SUSD1: variants seen among roughly 807,000 people sequenced by gnomAD.
SUSD1 encodes sushi domain-containing protein 1.
SUSD1 carries 65 observed loss-of-function variants against 86.9 expected under a neutral mutation model. That is an observed-to-expected ratio of 0.75 (90% confidence interval 0.61 to 0.92). The LOEUF is 0.92. SUSD1 is among the 40% of genes least tolerant of loss of function. SUSD1 has a pLI of 0.00. For missense variants in SUSD1, 850 were observed against 929.7 expected, an observed-to-expected ratio of 0.91 and a Z score of 1.11; for synonymous variants, 346 against 350.0, an observed-to-expected ratio of 0.99 and a Z score of 0.13.
intron 12 of SUSD1, among the ~76,000 whole-genome samples, chr9:112,066,736 A>G (rs915637125): frequency 2.6e-5 from 4 of 151,960 alleles, no homozygotes; most frequent in African/African-American, 9.7e-5. Context: ...TCCTTCCCAT[A>G]TGGTTCTTAT....
At chr9:112,171,610 C>T (rs947930759) in intron 1 of SUSD1, among the ~76,000 whole-genome samples, 1 of 152,148 alleles carries the variant, frequency 6.6e-6, no homozygotes, top group Non-Finnish European at 1.5e-5. Flanking sequence ...GAATAGCACT[C>T]ATTAAGTAGC....
At chr9:112,074,845 T>C (rs564276653) in intron 12 of SUSD1, among the ~76,000 whole-genome samples, 3 of 152,064 alleles carry the variant, frequency 2.0e-5, no homozygotes, top group African/African-American at 7.2e-5. Context: ...TTGATTTTTT[T>C]ATGCTTCTTT....
chr9:112,074,618 G>A (rs1829433609), intron 12 of SUSD1, among the ~76,000 whole-genome samples: 1 of 152,140 alleles, frequency 6.6e-6, no homozygotes, highest in Non-Finnish European at 1.5e-5. Context: ...TTCCTTCTGG[G>A]AAATGAGCAG....
At chr9:112,167,192 G>C (rs1382615046) in intron 1 of SUSD1, among the ~76,000 whole-genome samples, 1 of 152,014 alleles carries the variant, frequency 6.6e-6, no homozygotes, top group Non-Finnish European at 1.5e-5. Flanking sequence ...GACCTCCCAG[G>C]CTCAGGCGAG....
chr9:112,099,202 C>T (rs1329290353), intron 9 of SUSD1, among the ~76,000 whole-genome samples: 1 of 152,072 alleles, frequency 6.6e-6, no homozygotes, highest in African/African-American at 2.4e-5. Context: ...ACCACCACAC[C>T]TGGGTAATTA....
At chr9:112,091,488 T>G (rs532020462) in intron 10 of SUSD1, among the ~76,000 whole-genome samples, 23 of 152,218 alleles carry the variant, frequency 1.5e-4, no homozygotes, top group Non-Finnish European at 2.9e-4. Flanking sequence ...CTTGTAGGAT[T>G]TTTTAAAACT....
chr9:112,068,565 A>T (rs564148921), intron 12 of SUSD1, among the ~76,000 whole-genome samples: 2 of 152,114 alleles, frequency 1.3e-5, no homozygotes, highest in South Asian at 4.2e-4. Flanking sequence ...AGTCAGGCAC[A>T]GTGGTGTACA....
chr9:112,114,906 C>T (rs1831249294), intron 6 of SUSD1, among the ~76,000 whole-genome samples: 1 of 152,192 alleles, frequency 6.6e-6, no homozygotes, highest in East Asian at 1.9e-4. Context: ...TGGTAATGCC[C>T]ACCCTCTGTG....
In SUSD1 at chr9:112,041,906, A is replaced by G. The variant is rs1589562376; in HGVS notation, c.2204T>C (p.Val735Ala). The change falls in exon 16 of 17, where the codon GTT (valine) becomes GCT (alanine). Residue 735 changes from valine to alanine, a missense_variant. By Grantham distance (64) the Val-to-Ala change is moderately conservative (BLOSUM62 0). Coordinates refer to ENST00000374270, the MANE Select transcript of SUSD1 (RefSeq NM_022486.5). Reference sequence around the variant, plus strand: ...GGAGAGGAATGTGAGAATGATCACAACAGCCAGGGAACCCAGTCCAACACC... The same window carrying G: ...GGAGAGGAATGTGAGAATGATCACAGCAGCCAGGGAACCCAGTCCAACACC... ...MAGVGLGSLAVVIILTFLSFS... is the reference protein window; with the variant it reads ...MAGVGLGSLAAVIILTFLSFS... 1.2e-6 allele frequency: 2 copies of G among 1,614,024 alleles called. No homozygotes were observed. The highest frequency in any genetic ancestry group is 1.7e-6 in the Non-Finnish European group (2 of 1,179,938).
chr9:112,057,688 T>C lies in SUSD1; in HGVS notation c.2109+740A>G, dbSNP rs1589587034. On this transcript the variant is annotated intron_variant, in intron 14 of 16. Transcript: ENST00000374270. ...AGAATTTAATAGAGTGTCTCAGTTT[T>C]AAATATGTGATAAACCTTACACTCA... Among the ~76,000 whole-genome samples the C allele has an allele frequency of 2.0e-5, 3 of 152,354 alleles. No individual in the cohort carries two copies. In the South Asian group the frequency reaches 6.2e-4, roughly 32 times the overall value.
chr9:112,118,500 T>C (rs1291544840), intron 6 of SUSD1, among the ~76,000 whole-genome samples: 1 of 152,252 alleles, frequency 6.6e-6, no homozygotes, highest in Non-Finnish European at 1.5e-5. Flanking sequence ...TTTTTCTTTT[T>C]TGGAGACGGA....
At chr9:112,108,774 CAA>C (rs11312103) in intron 8 of SUSD1, among the ~76,000 whole-genome samples, 124 of 68,598 alleles carry the variant, frequency 1.8e-3, no homozygotes, top group African/African-American at 4.8e-3. Flanking sequence ...CTGGGTGTCT[CAA>C]AAAAAAAAAA....
chr9:112,095,659 C>A (rs1194144308), intron 10 of SUSD1, among the ~76,000 whole-genome samples: 1 of 152,190 alleles, frequency 6.6e-6, no homozygotes, highest in African/African-American at 2.4e-5. Flanking sequence ...GTAGGACTCA[C>A]AGGCAGACAT....
At chr9:112,149,428 GAGCTA>G (rs1460568897) in intron 2 of SUSD1, 29 bp from the exon 3 acceptor site, 1 of 1,609,786 alleles carries the variant, frequency 6.2e-7, no homozygotes, top group African/African-American at 1.3e-5. Context: ...GGCACCGGAA[GAGCTA>G]TCAATCCACA....
At chr9:112,138,266 C>CACATATAT (rs1554770381) in intron 5 of SUSD1, among the ~76,000 whole-genome samples, 1 of 62,866 alleles carries the variant, frequency 1.6e-5, no homozygotes, top group African/African-American at 7.3e-5. Flanking sequence ...TGTGTATATA[C>CACATATAT]ATATATATAT....
At chr9:112,097,395 CTTTTT>C (rs764568520) in intron 10 of SUSD1, among the ~76,000 whole-genome samples, 4 of 103,238 alleles carry the variant, frequency 3.9e-5, no homozygotes, top group African/African-American at 1.5e-4. Context: ...ATTTCAGAGT[CTTTTT>C]TTTTTTTTTT....
rs554551044 is a variant in SUSD1, at chr9:112,162,308, C to T, written c.104-4695G>A. 2.0e-5 allele frequency among the ~76,000 whole-genome samples: 3 copies of T among 152,278 alleles called. No individual in the cohort carries two copies. In the East Asian group the frequency reaches 5.8e-4, roughly 29 times the overall value. ...TTGATGGCAAAAAAGGGGAGGGAAA[C>T]TCAAATTTCTATAGGGAAATCATTT... is the stretch of plus-strand genomic sequence containing the variant. On this transcript the variant is annotated intron_variant, in intron 1 of 16. Coordinates refer to ENST00000374270, the MANE Select transcript of SUSD1 (RefSeq NM_022486.5).
intron 5 of SUSD1, among the ~76,000 whole-genome samples, chr9:112,130,608 A>AGGAAAGGAG (rs1831986153): frequency 6.6e-6 from 1 of 151,036 alleles, no homozygotes; most frequent in East Asian, 2.0e-4. Flanking sequence ...AAGGAAAGGA[A>AGGAAAGGAG]AGGAAGGAAA....
intron 12 of SUSD1, among the ~76,000 whole-genome samples, chr9:112,071,587 G>A (rs373167709): frequency 6.0e-4 from 91 of 152,228 alleles, no homozygotes; most frequent in African/African-American, 2.0e-3. Context: ...GGTAGTATAA[G>A]TACAAATGTG....
Sources: gnomAD v4.1 joint callset for allele counts (sites outside exome capture counted in the v4.1 genomes callset) on GRCh38, gnomAD v4.1.1 for gene constraint, MANE v1.5 for transcripts, NCBI Gene and HGNC (gene_info 2026-07-23, HGNC 2026-07-21) for gene names.